RIMS2: variants seen among roughly 807,000 people sequenced by gnomAD.
RIMS2 encodes the protein regulating synaptic membrane exocytosis 2, also known as regulating synaptic membrane exocytosis protein 2.
RIMS2 carries 59 observed loss-of-function variants against 174.4 expected under a neutral mutation model. The ratio of observed to expected loss-of-function variants is 0.34; its 90% CI spans 0.27 to 0.42. The LOEUF (loss-of-function observed/expected upper bound fraction) is 0.42, where lower values mean the gene tolerates loss of function less well. Among genes scored for constraint, RIMS2 ranks in the 10% least tolerant of loss-of-function variants. The probability of loss-of-function intolerance (pLI) is 1.00; values close to 1 mark genes in which losing one functional copy is unlikely to be tolerated. For synonymous variants in RIMS2, 606 were observed against 572.5 expected (o/e 1.06, Z -0.84); for missense variants, 1,620 against 1,666.3 (o/e 0.97, Z 0.48).
chr8:103,666,582 A>T (rs1197583681), intron 1 of RIMS2, among the ~76,000 whole-genome samples: 1 of 152,158 alleles, frequency 6.6e-6, no homozygotes, highest in Non-Finnish European at 1.5e-5. Context: ...TTATGCTGGA[A>T]TGTCCTGTTT....
chr8:103,961,616 A>T (rs887750851), intron 15 of RIMS2, among the ~76,000 whole-genome samples: 1 of 152,180 alleles, frequency 6.6e-6, no homozygotes, highest in African/African-American at 2.4e-5. Flanking sequence ...CTCATTTTAA[A>T]GTTAGAAACT....
chr8:103,903,970 A>C (rs2073813333), intron 4 of RIMS2, among the ~76,000 whole-genome samples: 1 of 152,142 alleles, frequency 6.6e-6, no homozygotes, highest in Non-Finnish European at 1.5e-5. Context: ...TACTGGAACA[A>C]TGTTTTTATA....
At chr8:103,512,013 G>T (rs1255723522) in intron 1 of RIMS2, among the ~76,000 whole-genome samples, 4 of 152,180 alleles carry the variant, frequency 2.6e-5, no homozygotes, top group Admixed American at 2.0e-4. Context: ...GACTTGCAGA[G>T]AAGCTGGCTG....
chr8:103,599,010 A>G (rs1400567889), intron 1 of RIMS2, among the ~76,000 whole-genome samples: 2 of 152,074 alleles, frequency 1.3e-5, no homozygotes, highest in Non-Finnish European at 1.5e-5. Context: ...ACTGCCCTCA[A>G]CTTTGAATAT....
chr8:103,813,596 C>G (rs912365880), intron 3 of RIMS2, among the ~76,000 whole-genome samples: 7 of 152,112 alleles, frequency 4.6e-5, no homozygotes, highest in Admixed American at 1.3e-4. Context: ...GTTCCCCCAC[C>G]CTGTGTCCAA....
rs576037956 is a variant in RIMS2, at chr8:104,013,518, A to G, written c.3121A>G (p.Thr1041Ala). ...ACAACGGCCTCTCCTTGAGCGGACCACCACCCGCTCCAGATCCACTGAACG... is the reference window on the plus strand; with the variant it reads ...ACAACGGCCTCTCCTTGAGCGGACCGCCACCCGCTCCAGATCCACTGAACG... Residue 1041 changes from threonine (T) to alanine (A), a missense_variant, in exon 18 of 24, where the codon ACC becomes GCC. Thr to Ala is a moderately conservative substitution (Grantham distance 58). This residue lies in a region of RIMS2 where 1,395 missense variants were observed against 1,360.1 expected (regional missense o/e 1.03). Transcript: ENST00000504942. 44 of 1,613,488 alleles carry G rather than the reference A, an allele frequency of 2.7e-5. 1 individual carries two copies. The East Asian group carries it at 8.0e-4, about 29-fold the overall frequency.
At position 104,238,585 on chromosome 8, in the gene RIMS2, A is replaced by G. The variant is rs576993733; in HGVS notation, c.3335-6331A>G. 2.4e-4 allele frequency among the ~76,000 whole-genome samples: 37 copies of G among 152,268 alleles called. No individual in the cohort carries two copies. The South Asian group carries it at 6.8e-3, about 28-fold the overall frequency. On this transcript the variant is annotated intron_variant, in intron 19 of 23. Coordinates refer to ENST00000504942, the Ensembl canonical transcript of RIMS2. ...AAATTTTAGGAATTAAAGGAGCAAG[A>G]TGGAAGAGAGTAAAAGTAGAATTTA... is the stretch of plus-strand genomic sequence containing the variant.
At chr8:104,036,691 A>G (rs1003144251) in intron 19 of RIMS2, among the ~76,000 whole-genome samples, 4 of 151,560 alleles carry the variant, frequency 2.6e-5, no homozygotes, top group Non-Finnish European at 5.9e-5. Context: ...AGACTGACCA[A>G]CATGGTGAAA....
At chr8:104,145,360 A>G (rs1306662709) in intron 19 of RIMS2, among the ~76,000 whole-genome samples, 1 of 152,144 alleles carries the variant, frequency 6.6e-6, no homozygotes, top group South Asian at 2.1e-4. Context: ...CCCTTATAAA[A>G]TTTCTCTTTT....
chr8:103,790,733 A>G (rs532129273), intron 3 of RIMS2, among the ~76,000 whole-genome samples: 10 of 152,316 alleles, frequency 6.6e-5, no homozygotes, highest in African/African-American at 2.2e-4. Flanking sequence ...GAAATATCAA[A>G]TCAAATCCTT....
chr8:104,208,324 T>C (rs2099089875), intron 19 of RIMS2, among the ~76,000 whole-genome samples: 1 of 151,974 alleles, frequency 6.6e-6, no homozygotes, highest in African/African-American at 2.4e-5. Flanking sequence ...TCCCACCATT[T>C]TGGGAGGCCG....
chr8:103,721,170 G>A (rs946868767), intron 2 of RIMS2, among the ~76,000 whole-genome samples: 1 of 152,036 alleles, frequency 6.6e-6, no homozygotes, highest in Non-Finnish European at 1.5e-5. Flanking sequence ...GCTCCCCTTC[G>A]CTTTCTGCCA....
intron 19 of RIMS2, among the ~76,000 whole-genome samples, chr8:104,193,804 A>G (rs979373974): frequency 6.6e-6 from 1 of 152,156 alleles, no homozygotes; most frequent in Admixed American, 6.6e-5. Flanking sequence ...TAAATTTCCT[A>G]TTCCTAACCC....
At position 103,712,694 on chromosome 8, in the gene RIMS2, G is replaced by A. The variant is rs548697701; in HGVS notation, c.387+15398G>A. Among the ~76,000 whole-genome samples the A allele has an allele frequency of 7.2e-5, 11 of 152,240 alleles. No individual in the cohort carries two copies. The East Asian group carries it at 9.7e-4, about 13-fold the overall frequency. ...AATTCATGACATCACCAAAACTGCA[G>A]GATGGTAAAACAGACTGTAGATACA... is the stretch of plus-strand genomic sequence containing the variant. On this transcript the variant is annotated intron_variant, in intron 2 of 23. Transcript: ENST00000504942.
chr8:103,999,731 G>A (rs1287626048), intron 17 of RIMS2, among the ~76,000 whole-genome samples: 1 of 151,560 alleles, frequency 6.6e-6, no homozygotes, highest in East Asian at 1.9e-4. Flanking sequence ...CTTAGTCTCA[G>A]TTATCAACAG....
chr8:104,013,736 C>A (rs1057186692), intron 18 of RIMS2, 115 bp downstream of exon 20: 13 of 734,590 alleles, frequency 1.8e-5, no homozygotes, highest in Non-Finnish European at 3.0e-5. Context: ...TAGTAACAAT[C>A]GATACTAACC....
intron 16 of RIMS2, among the ~76,000 whole-genome samples, chr8:103,988,862 G>A (rs190352976): frequency 2.7e-4 from 41 of 152,210 alleles, no homozygotes; most frequent in Non-Finnish European, 5.1e-4. Flanking sequence ...GTTCCCCTAA[G>A]CTCCGAACTC....
intron 1 of RIMS2, among the ~76,000 whole-genome samples, chr8:103,544,926 C>A (rs1406553766): frequency 2.0e-5 from 3 of 152,158 alleles, no homozygotes; most frequent in African/African-American, 7.2e-5. Context: ...ACTGAAGGAA[C>A]ATCAGCCCAC....
At chr8:103,618,628 CT>C (rs2095560287) in intron 1 of RIMS2, among the ~76,000 whole-genome samples, 1 of 152,114 alleles carries the variant, frequency 6.6e-6, no homozygotes, top group African/African-American at 2.4e-5. Context: ...TTTCCCACCC[CT>C]CTTCTTCTGA....
Sources: allele counts gnomAD v4.1 joint callset (sites outside exome capture counted in the v4.1 genomes callset), GRCh38; gene constraint gnomAD v4.1.1; regional missense constraint gnomAD v4.1.1; transcripts MANE v1.5; gene names NCBI Gene and HGNC (gene_info 2026-07-23, HGNC 2026-07-21).